Variants in FLACC1 observed in about 807,000 individuals in gnomAD.
The protein encoded by FLACC1 is flagellum-associated coiled-coil domain-containing protein 1.
Under a neutral mutation model 62.8 loss-of-function variants are expected in FLACC1, and 66 were observed. The ratio of observed to expected loss-of-function variants is 1.05; its 90% CI spans 0.86 to 1.29. The LOEUF is 1.29. Ranked by LOEUF, FLACC1 falls within the 50% of genes most tolerant of loss-of-function variation. The probability of loss-of-function intolerance (pLI) is 0.00; values close to 1 mark genes in which losing one functional copy is unlikely to be tolerated. For missense variants in FLACC1, 452 were observed against 489.1 expected (o/e 0.92, Z 0.71); for synonymous variants, 156 against 161.0 (o/e 0.97, Z 0.24).
chr2:201,328,075 T>A (rs374549956), intron 9 of FLACC1, among the ~76,000 whole-genome samples: 47 of 152,200 alleles, frequency 3.1e-4, no homozygotes, highest in Middle Eastern at 3.4e-3. Context: ...AAAAACTGTA[T>A]GATGTCACTT....
At position 201,290,963 on chromosome 2, in the gene FLACC1, T is replaced by C. The variant is rs192732511; in HGVS notation, c.943-1178A>G. 1.5e-3 allele frequency among the ~76,000 whole-genome samples: 234 copies of C among 152,218 alleles called. 1 individual carries two copies. The highest frequency in any genetic ancestry group is 2.5e-3 in the Non-Finnish European group (169 of 68,002). On this transcript the variant is annotated intron_variant, in intron 12 of 14. Transcript: ENST00000392257. Reference sequence around the variant, plus strand: ...AGCAGTCTGAGATCAAACTGCGAGGTGGCAGTGAGGCTGGTGGAGGGGCGC... The same window carrying C: ...AGCAGTCTGAGATCAAACTGCGAGGCGGCAGTGAGGCTGGTGGAGGGGCGC...
In FLACC1 at chr2:201,351,335, T is replaced by G; in HGVS notation, c.70A>C (p.Lys24Gln). ...PWNLGPRKLI[K>Q]TPQLPRKNST... ...TTCTTGCGTGGTAGTTGAGGGGTCT[T>G]GATTAGCTTCCGTGGTCCCAAGTTC... The change falls in exon 2 of 15, where the codon AAG becomes CAG. Residue 24 changes from lysine (K) to glutamine (Q), a missense_variant. Transcript: ENST00000392257. The G allele has an allele frequency of 6.2e-7, 1 of 1,614,160 alleles. No individual in the cohort carries two copies.
intron 7 of FLACC1, among the ~76,000 whole-genome samples, chr2:201,338,931 ATAAG>A (rs1559414020): frequency 6.6e-6 from 1 of 152,198 alleles, no homozygotes; most frequent in African/African-American, 2.4e-5. Context: ...GCCTCACAGA[ATAAG>A]TAAGGGAGAA....
chr2:201,363,467 G>C, the FLACC1 span, among the ~76,000 whole-genome samples: 4 of 151,904 alleles, frequency 2.6e-5, no homozygotes, highest in Non-Finnish European at 5.9e-5. Flanking sequence ...TTGCTCATCT[G>C]GTTCAGCAGC....
At chr2:201,311,450 G>T (rs866329741) in intron 9 of FLACC1, among the ~76,000 whole-genome samples, 1 of 152,030 alleles carries the variant, frequency 6.6e-6, no homozygotes. Context: ...GGCCAGGCAC[G>T]GTGGCTCATA....
chr2:201,325,215 A>G (rs774902957), intron 9 of FLACC1, among the ~76,000 whole-genome samples: 14 of 152,208 alleles, frequency 9.2e-5, no homozygotes, highest in Non-Finnish European at 1.6e-4. Context: ...CTGCATCAAA[A>G]AGTCTGAAAG....
intron 12 of FLACC1, among the ~76,000 whole-genome samples, chr2:201,295,731 A>C (rs769743103): frequency 3.9e-5 from 6 of 152,248 alleles, no homozygotes; most frequent in African/African-American, 7.2e-5. Flanking sequence ...AGCAACCTAC[A>C]GAATGAGAGA....
At chr2:201,328,761 A>T (rs1950541106) in intron 9 of FLACC1, among the ~76,000 whole-genome samples, 1 of 152,228 alleles carries the variant, frequency 6.6e-6, no homozygotes, top group African/African-American at 2.4e-5. Flanking sequence ...TTAAATATAA[A>T]CTTTGGATTT....
At chr2:201,345,941 G>C (rs969400521) in intron 5 of FLACC1, among the ~76,000 whole-genome samples, 7 of 152,154 alleles carry the variant, frequency 4.6e-5, no homozygotes, top group African/African-American at 1.7e-4. Context: ...GAGGCCAGAG[G>C]ATTACCTGAG....
At chr2:201,296,171 C>A (rs1949856512) in intron 12 of FLACC1, among the ~76,000 whole-genome samples, 1 of 152,082 alleles carries the variant, frequency 6.6e-6, no homozygotes, top group African/African-American at 2.4e-5. Flanking sequence ...GGTATATACC[C>A]AAAGGATTAT....
At position 201,309,251 on chromosome 2, in the gene FLACC1, C is replaced by T. The variant is rs759792130; in HGVS notation, c.676-1G>A. ...CTTCCATTTCATCATAAATACTGTC[C>T]TGGGGAGGTACAAAGGCACCATGAA... On this transcript the variant is annotated splice_acceptor_variant, in intron 9 of 14. Transcript: ENST00000392257. LOFTEE classifies it high-confidence loss of function. The T allele has an allele frequency of 2.5e-6, 4 of 1,610,230 alleles. No homozygotes were observed. Among genetic ancestry groups the T allele is most frequent in the Non-Finnish European group, 3.4e-6 (4 of 1,176,658 alleles).
chr2:201,342,853 G>A (rs761002856), intron 6 of FLACC1, among the ~76,000 whole-genome samples: 3 of 152,310 alleles, frequency 2.0e-5, no homozygotes, highest in East Asian at 3.9e-4. Flanking sequence ...TCTTGCCTTC[G>A]AGGAACTTAA....
rs578202708 is a variant in FLACC1, at chr2:201,306,724, A to T, written c.879+795T>A. Among the ~76,000 whole-genome samples, 3 of 152,352 alleles carry T rather than the reference A, an allele frequency of 2.0e-5. No individual in the cohort carries two copies. The South Asian group carries it at 6.2e-4, about 32-fold the overall frequency. On this transcript the variant is annotated intron_variant, in intron 11 of 14. Coordinates refer to ENST00000392257, the MANE Select transcript of FLACC1 (RefSeq NM_001127391.3). ...AAGCTTCTGTATATCGAAATATATC[A>T]TTAATAAAATGAAGAGGCAAACCAC...
chr2:201,331,147 T>C (rs1040381335), intron 7 of FLACC1, among the ~76,000 whole-genome samples: 1 of 151,922 alleles, frequency 6.6e-6, no homozygotes, highest in Non-Finnish European at 1.5e-5. Context: ...TTTTTAATTT[T>C]TTGTAGAGAC....
intron 9 of FLACC1, among the ~76,000 whole-genome samples, chr2:201,325,553 A>G (rs193113771): frequency 6.6e-6 from 1 of 152,276 alleles, no homozygotes; most frequent in Non-Finnish European, 1.5e-5. Flanking sequence ...TTTTGCATAC[A>G]AACTGGAAAA....
chr2:201,315,090 G>T (rs1049406232), intron 9 of FLACC1, among the ~76,000 whole-genome samples: 3 of 151,970 alleles, frequency 2.0e-5, no homozygotes, highest in Non-Finnish European at 2.9e-5. Flanking sequence ...CCTCTTTAAA[G>T]CATAAATCTC....
chr2:201,288,811 G>C, intron 14 of FLACC1, 30 bp from the exon 15 acceptor site: 1 of 1,608,574 alleles, frequency 6.2e-7, no homozygotes, highest in Non-Finnish European at 8.5e-7. Flanking sequence ...ATGTATCAAT[G>C]TCAACTCAAA....
chr2:201,330,945 CT>C (rs1559408714), intron 7 of FLACC1, 112 bp from the exon 8 acceptor site: 3 of 599,468 alleles, frequency 5.0e-6, no homozygotes, highest in Non-Finnish European at 7.9e-6. Flanking sequence ...GAGGTTCTCA[CT>C]TTTTTATTTT....
At chr2:201,305,703 G>A (rs1225400605) in intron 11 of FLACC1, among the ~76,000 whole-genome samples, 3 of 152,184 alleles carry the variant, frequency 2.0e-5, no homozygotes, top group Admixed American at 6.5e-5. Flanking sequence ...ATCAATGATA[G>A]ACTGGATTAA....
Sources: gnomAD v4.1 joint callset for allele counts (sites outside exome capture counted in the v4.1 genomes callset) on GRCh38, gnomAD v4.1.1 for gene constraint, MANE v1.5 for transcripts, NCBI Gene and HGNC (gene_info 2026-07-23, HGNC 2026-07-21) for gene names.